Variants in C12orf42 observed in about 807,000 individuals in gnomAD.
C12orf42 encodes chromosome 12 open reading frame 42.
In C12orf42, 25 loss-of-function variants were observed where a neutral mutation model predicts 21.6. That is an observed-to-expected ratio of 1.16 (90% CI 0.84 to 1.62). The LOEUF is 1.62. Ranked by LOEUF, C12orf42 falls within the 40% of genes most tolerant of loss-of-function variation. The pLI, the probability that C12orf42 is intolerant of heterozygous loss-of-function variation, is 0.00. For missense variants in C12orf42, 483 were observed against 459.3 expected, an observed-to-expected ratio of 1.05 and a Z score of -0.47; for synonymous variants, 174 against 175.0, an observed-to-expected ratio of 0.99 and a Z score of 0.05.
At chr12:103,486,199 T>C (rs1310121732) in intron 1 of C12orf42, among the ~76,000 whole-genome samples, 1 of 152,234 alleles carries the variant, frequency 6.6e-6, no homozygotes. Flanking sequence ...TTGAATTTTC[T>C]CAAAGGCCTT....
the C12orf42 span, among the ~76,000 whole-genome samples, chr12:103,120,818 T>C: frequency 6.7e-6 from 1 of 150,222 alleles, no homozygotes; most frequent in Non-Finnish European, 1.5e-5. Context: ...ACATGTATTA[T>C]ATACTATAAT....
At chr12:103,104,367 C>T in the C12orf42 span, among the ~76,000 whole-genome samples, 2 of 152,172 alleles carry the variant, frequency 1.3e-5, no homozygotes, top group Non-Finnish European at 2.9e-5. Context: ...AATTGAATAC[C>T]AATCCAGGGG....
chr12:103,491,607 C>A (rs1419918233), intron 1 of C12orf42, among the ~76,000 whole-genome samples: 2 of 152,214 alleles, frequency 1.3e-5, no homozygotes, highest in African/African-American at 4.8e-5. Context: ...AGGCCTTGAG[C>A]TCCTTGTTTC....
intron 2 of C12orf42, among the ~76,000 whole-genome samples, chr12:103,453,263 TAA>T (rs1170580599): frequency 6.6e-6 from 1 of 151,864 alleles, no homozygotes; most frequent in Admixed American, 6.6e-5. Flanking sequence ...AAGGTTTATA[TAA>T]AGTTATATTT....
chr12:103,475,738 C>T (rs1953998463), intron 2 of C12orf42, among the ~76,000 whole-genome samples: 1 of 152,174 alleles, frequency 6.6e-6, no homozygotes, highest in Non-Finnish European at 1.5e-5. Context: ...AAACAAGAGT[C>T]CTTGGTTCAA....
At chr12:103,076,859 T>C in the C12orf42 span, among the ~76,000 whole-genome samples, 2 of 152,166 alleles carry the variant, frequency 1.3e-5, no homozygotes, top group African/African-American at 4.8e-5. Flanking sequence ...GAAACTGAGA[T>C]ACAAAAAGGT....
chr12:103,047,918 C>T, the C12orf42 span, among the ~76,000 whole-genome samples: 1,633 of 152,196 alleles, frequency 0.011, 12 homozygotes, highest in South Asian at 0.019. Flanking sequence ...TTAGAAATGG[C>T]GTAATGTCAC....
the C12orf42 span, among the ~76,000 whole-genome samples, chr12:103,111,243 CTATT>C: frequency 6.6e-6 from 1 of 152,006 alleles, no homozygotes; most frequent in African/African-American, 2.4e-5. Flanking sequence ...GATTTTGTGA[CTATT>C]CATTGATGTG....
chr12:103,427,087 G>A (rs1024507268), intron 2 of C12orf42, among the ~76,000 whole-genome samples: 1 of 151,978 alleles, frequency 6.6e-6, no homozygotes, highest in Non-Finnish European at 1.5e-5. Context: ...CATAATGACA[G>A]GATCAAATTC....
the C12orf42 span, among the ~76,000 whole-genome samples, chr12:103,089,613 GTGTGTC>G: frequency 3.2e-5 from 4 of 124,190 alleles, no homozygotes; most frequent in African/African-American, 1.4e-4. Context: ...AAGAGGGTGT[GTGTGTC>G]TGTGTGTGTG....
chr12:103,557,467 T>C, the C12orf42 span: 1 of 152,230 alleles, frequency 6.6e-6, no homozygotes. Context: ...TGCTAACATC[T>C]GCACGTATTT....
chr12:103,270,510 ATTTATT>A (rs201243040), intron 5 of C12orf42, among the ~76,000 whole-genome samples: 2,093 of 150,894 alleles, frequency 0.014, 16 homozygotes, highest in Non-Finnish European at 0.021. Context: ...TCCCAAAGAT[ATTTATT>A]TTTATTTTTA....
At chr12:103,359,397 C>T (rs2043880279) in intron 4 of C12orf42, among the ~76,000 whole-genome samples, 1 of 151,966 alleles carries the variant, frequency 6.6e-6, no homozygotes, top group Non-Finnish European at 1.5e-5. Context: ...AAAAGTTTTA[C>T]AAAAACTGAA....
At chr12:103,382,688 G>A (rs2046285864) in intron 3 of C12orf42, among the ~76,000 whole-genome samples, 1 of 152,202 alleles carries the variant, frequency 6.6e-6, no homozygotes, top group Admixed American at 6.5e-5. Flanking sequence ...CTGAGAGCAG[G>A]TGGCTAAACT....
chr12:103,389,579 G>A (rs548258347), intron 3 of C12orf42, among the ~76,000 whole-genome samples: 6 of 152,244 alleles, frequency 3.9e-5, no homozygotes, highest in South Asian at 2.1e-4. Context: ...TTGTTAACCC[G>A]TTCCATCCTT....
chr12:103,107,265 G>A, the C12orf42 span, among the ~76,000 whole-genome samples: 3 of 151,756 alleles, frequency 2.0e-5, no homozygotes, highest in African/African-American at 4.8e-5. Context: ...AAATAAAAAC[G>A]ATTAACTATA....
intron 4 of C12orf42, among the ~76,000 whole-genome samples, chr12:103,278,220 G>A (rs751019788): frequency 9.9e-5 from 15 of 152,234 alleles, no homozygotes; most frequent in African/African-American, 1.2e-4. Flanking sequence ...TCTACCAGAT[G>A]TTAAGGGTTT....
At chr12:103,525,309 C>T in the C12orf42 span, among the ~76,000 whole-genome samples, 15 of 152,294 alleles carry the variant, frequency 9.8e-5, no homozygotes, top group East Asian at 2.9e-3. Flanking sequence ...GGATTACAGA[C>T]ATGAGCCACC....
the C12orf42 span, among the ~76,000 whole-genome samples, chr12:103,202,501 G>A: frequency 2.0e-5 from 3 of 152,196 alleles, no homozygotes; most frequent in East Asian, 1.9e-4. Context: ...AGACCATTGA[G>A]TGTTAACAGT....
Sources: gnomAD v4.1 joint callset for allele counts (sites outside exome capture counted in the v4.1 genomes callset) on GRCh38, gnomAD v4.1.1 for gene constraint, MANE v1.5 for transcripts, NCBI Gene and HGNC (gene_info 2026-07-23, HGNC 2026-07-21) for gene names.